TMEM178B: variants seen among roughly 807,000 people sequenced by gnomAD.
TMEM178B encodes transmembrane protein 178B.
Under a neutral mutation model 31.0 loss-of-function variants are expected in TMEM178B, and 5 were observed. That is an observed-to-expected ratio of 0.16 (90% CI 0.08 to 0.34). TMEM178B has a LOEUF of 0.34. TMEM178B is among the 10% of genes least tolerant of loss of function. The pLI is 1.00. For synonymous variants in TMEM178B, 164 were observed against 164.0 expected (o/e 1.00, Z 0.00); for missense variants, 275 against 400.3 (o/e 0.69, Z 2.67).
intron 2 of TMEM178B, among the ~76,000 whole-genome samples, chr7:141,281,060 G>A (rs1038593979): frequency 6.6e-6 from 1 of 152,058 alleles, no homozygotes; most frequent in African/African-American, 2.4e-5. Flanking sequence ...CCTCTCCTGG[G>A]AAGGGATATT....
In TMEM178B at chr7:141,074,129, C is replaced by T. The variant is rs1036879327; in HGVS notation, c.-182C>T. On this transcript the variant is annotated 5_prime_UTR_variant, in exon 1 of 4. Coordinates refer to ENST00000565468, the MANE Select transcript of TMEM178B (RefSeq NM_001195278.2). The surrounding 1 kb of genome is among the most constrained non-coding windows in gnomAD (Gnocchi z 5.1). ...CCGGATCAGAACTTTTTAGGCCGCC[C>T]GCCCCCATCCCCGCAGTCCCCGGGC... 1.1e-4 allele frequency: 96 copies of T among 870,792 alleles called. No individual in the cohort carries two copies. Among genetic ancestry groups the T allele is most frequent in the Non-Finnish European group, 1.5e-4 (91 of 627,530 alleles). 53.9% of individuals were successfully genotyped at this position (870,792 alleles called of 1,614,324 possible).
At chr7:141,185,304 G>A (rs145166683) in intron 1 of TMEM178B, among the ~76,000 whole-genome samples, 4,131 of 152,306 alleles carry the variant, frequency 0.027, 82 homozygotes, top group Non-Finnish European at 0.041. Context: ...TGGTGTACTG[G>A]AAGAATCAGA....
the TMEM178B span, among the ~76,000 whole-genome samples, chr7:141,489,211 C>T: frequency 2.6e-5 from 4 of 152,214 alleles, no homozygotes; most frequent in Non-Finnish European, 5.9e-5. Flanking sequence ...CCTGCTTCAA[C>T]ATCAAAATAC....
chr7:141,212,858 C>A, intron 2 of TMEM178B, 154 bp downstream of exon 2: 1 of 582,866 alleles, frequency 1.7e-6, no homozygotes, highest in Non-Finnish European at 2.9e-6. Context: ...GTTAGAATTG[C>A]CTCAGTTGGT....
In TMEM178B at chr7:141,470,863, A is replaced by C; in HGVS notation, c.*77A>C. ...CATATATAAAACAAAACAAAACTAA[A>C]TCAAGACGATGCCAGTGCCAAGGTA... On this transcript the variant is annotated 3_prime_UTR_variant, in exon 4 of 4. Transcript: ENST00000565468. The C allele has an allele frequency of 9.7e-5, 79 of 817,890 alleles. No homozygotes were observed. The highest frequency in any genetic ancestry group is 1.6e-4 in the Admixed American group (3 of 18,994). 50.7% of individuals were successfully genotyped at this position (817,890 alleles called of 1,614,324 possible). A position where few individuals can be genotyped will look rare whatever the true frequency, so the allele number is the denominator to read the frequency against.
chr7:141,405,771 G>A (rs1345470767), intron 2 of TMEM178B, among the ~76,000 whole-genome samples: 1 of 152,202 alleles, frequency 6.6e-6, no homozygotes, highest in Non-Finnish European at 1.5e-5. Flanking sequence ...CCTTGAAAAT[G>A]TCAGTGGGGC....
rs971921332 is a variant in TMEM178B at position 141,278,637 on chromosome 7, G to T, written c.496+65933G>T. On this transcript the variant is annotated intron_variant, in intron 2 of 3. Transcript: ENST00000565468. Reference sequence around the variant, plus strand: ...TAAAGATTGCAAATGCCTCTTGAGGGGTATGGTCAGGGAAGTGAAGGGTCT... The same window carrying T: ...TAAAGATTGCAAATGCCTCTTGAGGTGTATGGTCAGGGAAGTGAAGGGTCT... Among the ~76,000 whole-genome samples the T allele has an allele frequency of 2.0e-5, 3 of 152,014 alleles. No homozygotes were observed. In the East Asian group the frequency reaches 5.8e-4, roughly 29 times the overall value.
chr7:141,231,133 C>A (rs542800472), intron 2 of TMEM178B, among the ~76,000 whole-genome samples: 2 of 152,202 alleles, frequency 1.3e-5, no homozygotes, highest in African/African-American at 4.8e-5. Context: ...GCTTGGGGAA[C>A]TCCCAAGAGG....
intron 1 of TMEM178B, among the ~76,000 whole-genome samples, chr7:141,076,459 G>C (rs1198362106): frequency 6.6e-6 from 1 of 152,202 alleles, no homozygotes; most frequent in Non-Finnish European, 1.5e-5. Context: ...TAGAATAAGA[G>C]AGGTATCCCT....
At chr7:141,410,950 C>T (rs1800975935) in intron 2 of TMEM178B, among the ~76,000 whole-genome samples, 1 of 152,162 alleles carries the variant, frequency 6.6e-6, no homozygotes, top group Non-Finnish European at 1.5e-5. Context: ...TAAAATTAAT[C>T]AGATACAAAA....
rs867374766 is a variant in TMEM178B at position 141,204,663 on chromosome 7, C to T, written c.383-7928C>T. Among the ~76,000 whole-genome samples, 433 of 152,270 alleles carry T rather than the reference C, an allele frequency of 2.8e-3. 2 individuals carry two copies. The highest frequency in any genetic ancestry group is 9.8e-3 in the African/African-American group (409 of 41,558). On this transcript the variant is annotated intron_variant, in intron 1 of 3. Transcript: ENST00000565468. ...TGCTGGTAGCTCTCAGATATGGCTTCGGAGAAGAGAGCAGCAGATACTTGG... is the reference window on the plus strand; with the variant it reads ...TGCTGGTAGCTCTCAGATATGGCTTTGGAGAAGAGAGCAGCAGATACTTGG...
rs1244631110 is a variant in TMEM178B at position 141,295,973 on chromosome 7, C to T, written c.496+83269C>T. 4.6e-5 allele frequency among the ~76,000 whole-genome samples: 7 copies of T among 152,080 alleles called. No homozygotes were observed. The East Asian group carries it at 7.7e-4, about 17-fold the overall frequency. On this transcript the variant is annotated intron_variant, in intron 2 of 3. Coordinates refer to ENST00000565468, the MANE Select transcript of TMEM178B (RefSeq NM_001195278.2). ...GCTTGGTGTCTGTAACTGACAGCAGCGCACACATGTCTCTTCTAGTCGAGG... is the reference window on the plus strand; with the variant it reads ...GCTTGGTGTCTGTAACTGACAGCAGTGCACACATGTCTCTTCTAGTCGAGG...
chr7:141,190,881 A>G (rs891076182), intron 1 of TMEM178B, among the ~76,000 whole-genome samples: 2 of 152,188 alleles, frequency 1.3e-5, no homozygotes, highest in African/African-American at 4.8e-5. Context: ...ATACCTATTC[A>G]TCTATATTTA....
At chr7:141,469,790 T>C (rs912751936) in intron 3 of TMEM178B, among the ~76,000 whole-genome samples, 6 of 152,260 alleles carry the variant, frequency 3.9e-5, no homozygotes, top group African/African-American at 1.4e-4. Flanking sequence ...TAGAGACTGA[T>C]ATAAGTAATG....
In TMEM178B at chr7:141,220,343, AT is replaced by A. The variant is rs1388142271; in HGVS notation, c.496+7640del. ...AATAATAATAATAATAATAATAATA[AT>A]AATAATAATAATAATAAAATAATAA... On this transcript the variant is annotated intron_variant, in intron 2 of 3. Transcript: ENST00000565468. Among the ~76,000 whole-genome samples the A allele has an allele frequency of 1.2e-3, 162 of 135,570 alleles. 1 individual carries two copies. Among genetic ancestry groups the A allele is most frequent in the South Asian group, 6.0e-3 (25 of 4,152 alleles). 88.9% of individuals were successfully genotyped at this position (135,570 alleles called of 152,430 possible).
At position 141,422,024 on chromosome 7, in the gene TMEM178B, A is replaced by G. The variant is rs1801219710; in HGVS notation, c.497-15584A>G. Reference sequence around the variant, plus strand: ...ATCGGAACCTCAGTCTTATATTAATATTTAGTTTACATCTTCTCCCTTTCC... The same window carrying G: ...ATCGGAACCTCAGTCTTATATTAATGTTTAGTTTACATCTTCTCCCTTTCC... On this transcript the variant is annotated intron_variant, in intron 2 of 3. Transcript: ENST00000565468. This position sits in a 1 kb window ranked among gnomAD's most constrained non-coding sequence, Gnocchi z 4.2. Among the ~76,000 whole-genome samples the G allele has an allele frequency of 6.6e-6, 1 of 152,178 alleles. No individual in the cohort carries two copies. Among genetic ancestry groups the G allele is most frequent in the Non-Finnish European group, 1.5e-5 (1 of 68,022 alleles).
chr7:141,468,252 T>C lies in TMEM178B; in HGVS notation c.635-2284T>C, dbSNP rs538947875. 9.9e-5 allele frequency among the ~76,000 whole-genome samples: 15 copies of C among 152,270 alleles called. No homozygotes were observed. In the South Asian group the frequency reaches 1.7e-3, roughly 17 times the overall value. On this transcript the variant is annotated intron_variant, in intron 3 of 3. Coordinates refer to ENST00000565468, the MANE Select transcript of TMEM178B (RefSeq NM_001195278.2). The stretch of plus-strand genomic sequence containing the variant: ...CCCAAGAACTTCTTCAGGATGCAAA[T>C]TCTCAGGCCCCCACCCCAGATCTCC...
chr7:141,122,528 T>C (rs538513596), intron 1 of TMEM178B, among the ~76,000 whole-genome samples: 1 of 152,316 alleles, frequency 6.6e-6, no homozygotes, highest in South Asian at 2.1e-4. Context: ...TTCCATCCTG[T>C]CCTAGGAATG....
rs143665906 is a variant in TMEM178B, at chr7:141,269,492, C to G, written c.496+56788C>G. ...ATTCACATGCTTAAATTCCCAGTAC[C>G]CCCACTACTTTAGGGATGAACTGAA... On this transcript the variant is annotated intron_variant, in intron 2 of 3. Transcript: ENST00000565468. Among the ~76,000 whole-genome samples the G allele has an allele frequency of 5.3e-5, 8 of 152,226 alleles. No homozygotes were observed. In the East Asian group the frequency reaches 1.5e-3, roughly 29 times the overall value.
Sources: gnomAD v4.1 joint callset for allele counts (sites outside exome capture counted in the v4.1 genomes callset) on GRCh38, gnomAD v4.1.1 for gene constraint, Gnocchi (gnomAD v3.1) non-coding constraint, MANE v1.5 for transcripts, NCBI Gene and HGNC (gene_info 2026-07-23, HGNC 2026-07-21) for gene names.